The following RARB variants were observed in gnomAD, a reference collection of about 807,000 sequenced individuals.
RARB encodes retinoic acid receptor beta.
RARB carries 17 observed loss-of-function variants against 51.9 expected under a neutral mutation model. The ratio of observed to expected loss-of-function variants is 0.33; its 90% confidence interval spans 0.22 to 0.49. RARB has a LOEUF of 0.49. RARB is among the 20% of genes least tolerant of loss of function. The pLI is 0.99. For synonymous variants in RARB, 215 were observed against 195.4 expected, an observed-to-expected ratio of 1.10 and a Z score of -0.84; for missense variants, 369 against 550.8, an observed-to-expected ratio of 0.67 and a Z score of 3.30.
intron 2 of RARB, among the ~76,000 whole-genome samples, chr3:25,031,885 C>A (rs1344703859): frequency 1.3e-5 from 2 of 152,156 alleles, no homozygotes; most frequent in African/African-American, 4.8e-5. Flanking sequence ...AAACTCTAAA[C>A]CTGACCTGAA....
At chr3:25,453,990 C>T (rs1218377981) in intron 1 of RARB, among the ~76,000 whole-genome samples, 1 of 152,150 alleles carries the variant, frequency 6.6e-6, no homozygotes, top group African/African-American at 2.4e-5. Context: ...GGATGCGATT[C>T]ACAGATTTGC....
At chr3:25,417,645 C>T (rs1195670439) in intron 5 of RARB, among the ~76,000 whole-genome samples, 1 of 152,216 alleles carries the variant, frequency 6.6e-6, no homozygotes, top group Non-Finnish European at 1.5e-5. Flanking sequence ...TCCGTTAAAT[C>T]TCTCTCTTTT....
chr3:24,882,345 T>C (rs976508625), intron 2 of RARB, among the ~76,000 whole-genome samples: 10 of 152,234 alleles, frequency 6.6e-5, no homozygotes, highest in Non-Finnish European at 1.5e-4. Context: ...ATATTCCTTG[T>C]TATTCACTAA....
intron 2 of RARB, among the ~76,000 whole-genome samples, chr3:24,890,804 C>T (rs1047792559): frequency 6.6e-6 from 1 of 151,934 alleles, no homozygotes; most frequent in South Asian, 2.1e-4. Flanking sequence ...TTCCTACATG[C>T]CTCGGCAATA....
rs533183147 is a variant in RARB, at chr3:25,473,921, GAA to G, written c.306+12591_306+12592del. On this transcript the variant is annotated intron_variant, in intron 2 of 7. Coordinates refer to ENST00000330688, the MANE Select transcript of RARB (RefSeq NM_000965.5). ...TGGAGGTATTTTCTATGTCTGGCAG[GAA>G]AAAAAAAAAACCTTTATCTTGGCTG... 1.2e-4 allele frequency among the ~76,000 whole-genome samples: 13 copies of G among 108,322 alleles called. 1 individual carries two copies. The Admixed American group carries it at 1.2e-3, about 10-fold the overall frequency. 71.1% of individuals were successfully genotyped at this position (108,322 alleles called of 152,430 possible).
intron 2 of RARB, among the ~76,000 whole-genome samples, chr3:25,008,878 C>T (rs1697333197): frequency 1.3e-5 from 2 of 152,102 alleles, no homozygotes; most frequent in South Asian, 4.1e-4. Context: ...CTTTTGTATG[C>T]TTCACACACT....
intron 3 of RARB, among the ~76,000 whole-genome samples, chr3:25,533,457 A>G (rs1438831439): frequency 2.6e-5 from 4 of 152,196 alleles, no homozygotes; most frequent in Non-Finnish European, 5.9e-5. Context: ...AAAGGATAGC[A>G]TTGTTTATTA....
At chr3:25,493,065 A>C (rs2125594418) in intron 2 of RARB, among the ~76,000 whole-genome samples, 1 of 146,530 alleles carries the variant, frequency 6.8e-6, no homozygotes, top group Middle Eastern at 3.5e-3. Flanking sequence ...TGGAGTATGG[A>C]TTTGTGGTCT....
chr3:25,396,880 T>C (rs1301352937), intron 5 of RARB, among the ~76,000 whole-genome samples: 1 of 152,162 alleles, frequency 6.6e-6, no homozygotes, highest in Non-Finnish European at 1.5e-5. Context: ...TCACTCCAAC[T>C]GTGCCCCACC....
At chr3:25,023,311 C>T (rs1697676728) in intron 2 of RARB, among the ~76,000 whole-genome samples, 1 of 152,148 alleles carries the variant, frequency 6.6e-6, no homozygotes, top group Non-Finnish European at 1.5e-5. Context: ...ATCAAGAAGC[C>T]TATTTAATAA....
intron 5 of RARB, among the ~76,000 whole-genome samples, chr3:25,580,987 G>GT (rs1701150265): frequency 6.6e-6 from 1 of 152,112 alleles, no homozygotes; most frequent in African/African-American, 2.4e-5. Flanking sequence ...ATGCTGGTCT[G>GT]TTTCTAAGTT....
intron 3 of RARB, among the ~76,000 whole-genome samples, chr3:25,552,890 T>C (rs1340768600): frequency 1.3e-5 from 2 of 152,150 alleles, no homozygotes; most frequent in African/African-American, 4.8e-5. Flanking sequence ...GGTCTCTACT[T>C]TAAGTATGTC....
chr3:25,568,812 C>T (rs1357403044), intron 3 of RARB, among the ~76,000 whole-genome samples: 5 of 152,214 alleles, frequency 3.3e-5, no homozygotes, highest in Admixed American at 6.5e-5. Context: ...AACATGGACT[C>T]CCTGGAGGGG....
intron 5 of RARB, among the ~76,000 whole-genome samples, chr3:25,399,678 G>T (rs1256441891): frequency 6.6e-6 from 1 of 152,200 alleles, no homozygotes; most frequent in Non-Finnish European, 1.5e-5. Context: ...CCCTTGGCTT[G>T]TGAAGCTACC....
chr3:25,238,824 C>T (rs1702364100), intron 5 of RARB, among the ~76,000 whole-genome samples: 1 of 152,018 alleles, frequency 6.6e-6, no homozygotes, highest in African/African-American at 2.4e-5. Flanking sequence ...ACTAAAAATA[C>T]AAAAATTAGC....
intron 5 of RARB, among the ~76,000 whole-genome samples, chr3:25,361,668 G>C (rs911486028): frequency 6.6e-6 from 1 of 152,036 alleles, no homozygotes; most frequent in Non-Finnish European, 1.5e-5. Context: ...GTTTTTGCGT[G>C]GTCATCCTTT....
At chr3:25,372,848 G>C (rs764143824) in intron 5 of RARB, among the ~76,000 whole-genome samples, 2 of 152,034 alleles carry the variant, frequency 1.3e-5, no homozygotes, top group African/African-American at 4.8e-5. Flanking sequence ...AAAGAAAAAC[G>C]TAAACTTAAA....
chr3:25,484,892 A>G (rs986030750), intron 2 of RARB, among the ~76,000 whole-genome samples: 6 of 152,138 alleles, frequency 3.9e-5, no homozygotes, highest in Non-Finnish European at 8.8e-5. Context: ...CTGGAGTACA[A>G]CTGGGTTTAA....
intron 5 of RARB, among the ~76,000 whole-genome samples, chr3:25,258,500 A>G (rs1369540801): frequency 1.3e-5 from 2 of 152,104 alleles, no homozygotes; most frequent in Non-Finnish European, 2.9e-5. Context: ...GAATTAGTCA[A>G]CACCTTGAAA....
Sources: gnomAD v4.1 joint callset for allele counts (sites outside exome capture counted in the v4.1 genomes callset) on GRCh38, gnomAD v4.1.1 for gene constraint, MANE v1.5 for transcripts, NCBI Gene and HGNC (gene_info 2026-07-23, HGNC 2026-07-21) for gene names.